The following KIAA2012 variants were observed in gnomAD, a reference collection of about 807,000 sequenced individuals.
KIAA2012 encodes the protein KIAA2012.
KIAA2012 carries 125 observed loss-of-function variants against 150.6 expected under a neutral mutation model. The observed-to-expected ratio is 0.83, with a 90% CI of 0.72 to 0.96. The LOEUF is 0.96. Ranked by LOEUF, KIAA2012 falls within the 40% of genes least tolerant of loss-of-function variation. The pLI, the probability that KIAA2012 is intolerant of heterozygous loss-of-function variation, is 0.00. For synonymous variants in KIAA2012, 462 were observed against 504.7 expected, an observed-to-expected ratio of 0.92 and a Z score of 1.13; for missense variants, 1,219 against 1,354.9, an observed-to-expected ratio of 0.90 and a Z score of 1.57.
intron 13 of KIAA2012, among the ~76,000 whole-genome samples, chr2:202,144,553 A>T (rs1240919930): frequency 6.6e-6 from 1 of 152,186 alleles, no homozygotes; most frequent in Non-Finnish European, 1.5e-5. Context: ...CTGTAGACAC[A>T]CTATGTTTTG....
intron 15 of KIAA2012, among the ~76,000 whole-genome samples, chr2:202,168,284 T>A (rs1691812354): frequency 6.6e-6 from 1 of 151,666 alleles, no homozygotes. Context: ...CCAGGTGTGG[T>A]GGCACGTGCC....
intron 15 of KIAA2012, among the ~76,000 whole-genome samples, chr2:202,184,236 T>G (rs1190915068): frequency 6.6e-6 from 1 of 151,808 alleles, no homozygotes; most frequent in Non-Finnish European, 1.5e-5. Context: ...ATACAAAAAT[T>G]AGTCGGGTGT....
At chr2:202,124,710 T>G (rs1690738906) in intron 11 of KIAA2012, among the ~76,000 whole-genome samples, 1 of 152,204 alleles carries the variant, frequency 6.6e-6, no homozygotes, top group African/African-American at 2.4e-5. Flanking sequence ...AAACATTATT[T>G]TCCTCAATGC....
At chr2:202,086,529 C>A (rs1689575638) in intron 2 of KIAA2012, among the ~76,000 whole-genome samples, 1 of 152,178 alleles carries the variant, frequency 6.6e-6, no homozygotes, top group Non-Finnish European at 1.5e-5. Flanking sequence ...CTCTATAATT[C>A]TTTCTTTCAC....
At chr2:202,086,167 C>CAAAAAAAAAAAAAAAAA (rs56207993) in intron 2 of KIAA2012, among the ~76,000 whole-genome samples, 2 of 90,092 alleles carry the variant, frequency 2.2e-5, no homozygotes, top group African/African-American at 4.4e-5. Flanking sequence ...AACTCTGTCT[C>CAAAAAAAAAAAAAAAAA]AAAAAAAAAA....
chr2:202,141,948 A>G (rs991436585), intron 13 of KIAA2012, among the ~76,000 whole-genome samples: 8 of 152,236 alleles, frequency 5.3e-5, no homozygotes, highest in Non-Finnish European at 1.2e-4. Context: ...AAACTAGAAA[A>G]AAAAGTAAAA....
chr2:202,131,766 C>T (rs756154164), intron 12 of KIAA2012, among the ~76,000 whole-genome samples: 3 of 152,154 alleles, frequency 2.0e-5, no homozygotes, highest in Admixed American at 1.3e-4. Context: ...AGCATGGCAG[C>T]ATGGAGAAAC....
rs1689921109 is a variant in KIAA2012, at chr2:202,097,524, CGCTT to C, written c.778_781del (p.Leu260HisfsTer20). ...CAAGAACCATGGCAGTCAGGGGACT[CGCTT>C]GCCACCACGCAGGAAGCAGCCCTGG... On this transcript the variant is annotated frameshift_variant, in exon 5 of 24. Coordinates refer to ENST00000498697, the MANE Select transcript of KIAA2012 (RefSeq NM_001277372.4). LOFTEE classifies it high-confidence loss of function. The C allele has an allele frequency of 6.5e-7, 1 of 1,550,190 alleles. No homozygotes were observed. The highest frequency in any genetic ancestry group is 2.0e-5 in the Admixed American group (1 of 50,994).
At chr2:202,145,656 C>T (rs572761179) in intron 13 of KIAA2012, among the ~76,000 whole-genome samples, 1 of 147,982 alleles carries the variant, frequency 6.8e-6, no homozygotes, top group East Asian at 2.0e-4. Context: ...TAACAATTAT[C>T]TCCCCATTCT....
At chr2:202,200,728 C>T (rs1202477701) in intron 22 of KIAA2012, among the ~76,000 whole-genome samples, 124 of 19,384 alleles carry the variant, frequency 6.4e-3, no homozygotes, top group African/African-American at 0.026. Context: ...TTTTTGGTGA[C>T]GGAGTTTCGC....
intron 14 of KIAA2012, among the ~76,000 whole-genome samples, chr2:202,163,540 C>G (rs1340597834): frequency 1.3e-5 from 2 of 152,062 alleles, no homozygotes; most frequent in Non-Finnish European, 2.9e-5. Flanking sequence ...TTTCCAAATC[C>G]CTGAGTTTCT....
intron 21 of KIAA2012, 146 bp downstream of exon 21, chr2:202,194,508 T>C: frequency 2.3e-6 from 2 of 856,956 alleles, no homozygotes; most frequent in Non-Finnish European, 3.5e-6. Flanking sequence ...AAAGTGATTA[T>C]GTATGACTAT....
rs1030430541 is a variant in KIAA2012, at chr2:202,105,869, A to C, written c.1433A>C (p.His478Pro). 59 of 1,550,748 alleles carry C rather than the reference A, an allele frequency of 3.8e-5. 1 individual carries two copies. The Admixed American group carries it at 7.6e-4, about 20-fold the overall frequency. The change falls in exon 9 of 24, where the codon CAT (histidine) becomes CCT (proline). Residue 478 changes from histidine to proline, a missense_variant. By Grantham distance (77) the His-to-Pro change is moderately conservative (BLOSUM62 -2). Coordinates refer to ENST00000498697, the MANE Select transcript of KIAA2012 (RefSeq NM_001277372.4). ...GAAACACCATGGGAGTTAACAGTGCATCTCCCAGTGGACGCGAGCAGGGAC... is the reference window on the plus strand; with the variant it reads ...GAAACACCATGGGAGTTAACAGTGCCTCTCCCAGTGGACGCGAGCAGGGAC... Reference protein sequence around the residue: ...SLETPWELTVHLPVDASRDTL... With the variant: ...SLETPWELTVPLPVDASRDTL...
At chr2:202,086,201 A>G (rs1689566928) in intron 2 of KIAA2012, among the ~76,000 whole-genome samples, 1 of 151,490 alleles carries the variant, frequency 6.6e-6, no homozygotes, top group Non-Finnish European at 1.5e-5. Flanking sequence ...GAAAGAAAAG[A>G]AAAAGAAATG....
intron 15 of KIAA2012, among the ~76,000 whole-genome samples, chr2:202,178,296 C>T (rs1398028198): frequency 6.6e-6 from 1 of 152,094 alleles, no homozygotes; most frequent in Non-Finnish European, 1.5e-5. Flanking sequence ...CAGTATTTTT[C>T]CTATACTGTG....
chr2:202,181,832 A>T (rs915855900), intron 15 of KIAA2012, among the ~76,000 whole-genome samples: 2 of 152,056 alleles, frequency 1.3e-5, no homozygotes, highest in Non-Finnish European at 2.9e-5. Context: ...TCCTTGTATT[A>T]ACATATCTCT....
At chr2:202,103,158 TG>T (rs781432048) in intron 8 of KIAA2012, 44 bp downstream of exon 8, 2 of 1,533,824 alleles carry the variant, frequency 1.3e-6, no homozygotes, top group Non-Finnish European at 1.8e-6. Flanking sequence ...GAGCCTGGGA[TG>T]GGGGGTCCTG....
chr2:202,125,148 G>C (rs896387237), intron 11 of KIAA2012, 66 bp from the exon 12 acceptor site: 18 of 1,281,356 alleles, frequency 1.4e-5, no homozygotes, highest in South Asian at 2.6e-5. Flanking sequence ...CCTGTCTTCG[G>C]ATAAGGGAAT....
intron 12 of KIAA2012, among the ~76,000 whole-genome samples, chr2:202,130,880 G>A (rs976253272): frequency 1.3e-5 from 2 of 151,948 alleles, no homozygotes; most frequent in African/African-American, 2.4e-5. Flanking sequence ...TTGTGCCACT[G>A]CACTCCAGCC....
Sources: gnomAD v4.1 joint callset for allele counts (sites outside exome capture counted in the v4.1 genomes callset) on GRCh38, gnomAD v4.1.1 for gene constraint, MANE v1.5 for transcripts, NCBI Gene and HGNC (gene_info 2026-07-23, HGNC 2026-07-21) for gene names.